The following PPIL1 variants were observed in gnomAD, a reference collection of about 807,000 sequenced individuals.
PPIL1 encodes peptidylprolyl isomerase like 1.
In PPIL1, 14 loss-of-function variants were observed where a neutral mutation model predicts 19.4. That is an observed-to-expected ratio of 0.72 (90% CI 0.48 to 1.13). The LOEUF is 1.13. PPIL1 is among the 50% of genes most tolerant of loss of function. The probability of loss-of-function intolerance (pLI) is 0.00; values close to 1 mark genes in which losing one functional copy is unlikely to be tolerated. For synonymous variants in PPIL1, 72 were observed against 73.6 expected (o/e 0.98, Z 0.11); for missense variants, 192 against 218.0 (o/e 0.88, Z 0.75).
chr6:36,874,654 A>C, intron 1 of PPIL1, 63 bp downstream of exon 1: 3 of 1,586,244 alleles, frequency 1.9e-6, no homozygotes, highest in Non-Finnish European at 2.6e-6. Flanking sequence ...AGGAACGCAG[A>C]CCCGTGGTGA....
At chr6:36,861,727 G>A (rs1428449869) in intron 2 of PPIL1, among the ~76,000 whole-genome samples, 4 of 139,014 alleles carry the variant, frequency 2.9e-5, no homozygotes, top group East Asian at 2.0e-4. Context: ...ACAGAGTTTC[G>A]CTCTTGTGGC....
chr6:36,870,783 C>T (rs1455343223), intron 2 of PPIL1, among the ~76,000 whole-genome samples: 1 of 152,132 alleles, frequency 6.6e-6, no homozygotes, highest in Non-Finnish European at 1.5e-5. Context: ...CACCAACCCG[C>T]CCGGCTAATT....
intron 3 of PPIL1, 52 bp downstream of exon 3, chr6:36,856,530 AGAGT>A: frequency 1.3e-6 from 2 of 1,508,146 alleles, no homozygotes; most frequent in Non-Finnish European, 1.8e-6. Flanking sequence ...CATGGCCAAA[AGAGT>A]GAGCTTTTAA....
intron 2 of PPIL1, among the ~76,000 whole-genome samples, chr6:36,868,256 A>T (rs1208048601): frequency 6.6e-6 from 1 of 152,232 alleles, no homozygotes; most frequent in Admixed American, 6.5e-5. Context: ...AAATTAGAGC[A>T]GTAAAGAACA....
Position 36,867,272 on chromosome 6 carries a change from C to T in PPIL1, c.211+4446G>A, listed in dbSNP as rs1029619944. 7.2e-5 allele frequency among the ~76,000 whole-genome samples: 11 copies of T among 152,074 alleles called. No individual in the cohort carries two copies. In the South Asian group the frequency reaches 1.5e-3, roughly 20 times the overall value. ...ATGTTTCAGTTATTGCTATCAGGCA[C>T]GTTTACCACATGCTCCCAACACCCA... On this transcript the variant is annotated intron_variant, in intron 2 of 3. Transcript: ENST00000373699.
rs1363494473 is a variant in PPIL1, at chr6:36,857,085, T to A, written c.212-431A>T. Among the ~76,000 whole-genome samples the A allele has an allele frequency of 2.0e-5, 3 of 152,294 alleles. No homozygotes were observed. In the East Asian group the frequency reaches 5.8e-4, roughly 29 times the overall value. ...GCCCCAAGTCCTATCCCTGTGCCCATCACAGACATTGCCAATCAATCAGTA... is the reference window on the plus strand; with the variant it reads ...GCCCCAAGTCCTATCCCTGTGCCCAACACAGACATTGCCAATCAATCAGTA... On this transcript the variant is annotated intron_variant, in intron 2 of 3. Transcript: ENST00000373699.
rs78606960 is a variant in PPIL1 at position 36,872,226 on chromosome 6, A to G, written c.57-354T>C. Among the ~76,000 whole-genome samples, 535 of 152,070 alleles carry G rather than the reference A, an allele frequency of 3.5e-3. 31 individuals are homozygous for G. The East Asian group carries it at 0.095, about 27-fold the overall frequency. On this transcript the variant is annotated intron_variant, in intron 1 of 3. Transcript: ENST00000373699. ...CCTAAATTAGGAAAAAAATTCTTAC[A>G]CTTAATTTTTAATTTTTTAAAAAAA...
chr6:36,861,460 C>T (rs1774286483), intron 2 of PPIL1, among the ~76,000 whole-genome samples: 1 of 152,164 alleles, frequency 6.6e-6, no homozygotes, highest in South Asian at 2.1e-4. Flanking sequence ...TCCCTGCTCG[C>T]TCAAGTCCCG....
intron 1 of PPIL1, among the ~76,000 whole-genome samples, chr6:36,872,578 C>T (rs751258939): frequency 2.0e-5 from 3 of 151,978 alleles, no homozygotes; most frequent in Non-Finnish European, 2.9e-5. Flanking sequence ...TCTACTCCAG[C>T]ACATACCTAG....
intron 3 of PPIL1, 44 bp from the exon 4 acceptor site, chr6:36,856,077 C>A (rs1468524733): frequency 5.7e-6 from 9 of 1,572,064 alleles, no homozygotes; most frequent in Non-Finnish European, 7.8e-6. Context: ...AATAACCCCA[C>A]AGGTCCAGTG....
At chr6:36,868,113 A>G (rs569812808) in intron 2 of PPIL1, among the ~76,000 whole-genome samples, 1 of 152,352 alleles carries the variant, frequency 6.6e-6, no homozygotes, top group African/African-American at 2.4e-5. Flanking sequence ...GCTATGGATG[A>G]TTCAAGAGAA....
intron 2 of PPIL1, among the ~76,000 whole-genome samples, chr6:36,865,483 C>A (rs1043233487): frequency 1.3e-5 from 2 of 152,146 alleles, no homozygotes; most frequent in Non-Finnish European, 2.9e-5. Flanking sequence ...TCACAAGAGC[C>A]AGTCTAGAGT....
chr6:36,867,440 C>T (rs1774416035), intron 2 of PPIL1, among the ~76,000 whole-genome samples: 1 of 152,234 alleles, frequency 6.6e-6, no homozygotes, highest in Admixed American at 6.5e-5. Flanking sequence ...CATCTGTATT[C>T]CCTGAAACCA....
chr6:36,874,608 C>G, intron 1 of PPIL1, 109 bp downstream of exon 1: 1 of 1,434,354 alleles, frequency 7.0e-7, no homozygotes, highest in Non-Finnish European at 9.7e-7. Context: ...CTCCACGCCC[C>G]TCCACGTGGA....
intron 2 of PPIL1, among the ~76,000 whole-genome samples, chr6:36,861,680 GTTT>G (rs55772980): frequency 7.3e-6 from 1 of 136,502 alleles, no homozygotes. Context: ...TATGATCTGT[GTTT>G]TTTTTTTTTT....
intron 2 of PPIL1, 125 bp downstream of exon 2, chr6:36,871,591 AAG>A (rs1774511299): frequency 8.4e-7 from 1 of 1,193,682 alleles, no homozygotes; most frequent in African/African-American, 1.6e-5. Flanking sequence ...GTAAGTGGAA[AAG>A]AGAGCTCTGG....
intron 2 of PPIL1, among the ~76,000 whole-genome samples, chr6:36,857,127 T>C (rs1774184150): frequency 6.6e-6 from 1 of 152,332 alleles, no homozygotes; most frequent in East Asian, 1.9e-4. Flanking sequence ...CCTGCTGAGC[T>C]AGATTTGCCT....
At chr6:36,867,820 A>G (rs1021965337) in intron 2 of PPIL1, among the ~76,000 whole-genome samples, 1 of 152,272 alleles carries the variant, frequency 6.6e-6, no homozygotes, top group African/African-American at 2.4e-5. Flanking sequence ...AGGCTAGAAT[A>G]GAATAGAGAG....
In PPIL1 at chr6:36,873,037, A is replaced by G. The variant is rs145273670; in HGVS notation, c.57-1165T>C. On this transcript the variant is annotated intron_variant, in intron 1 of 3. Transcript: ENST00000373699. ...AGCCTTTCTGCCTGAAATTCATCCA[A>G]TTCATCTTTCACACTGCTCCCATTC... Among the ~76,000 whole-genome samples the G allele has an allele frequency of 5.7e-3, 873 of 152,308 alleles. 7 individuals carry two copies. The highest frequency in any genetic ancestry group is 0.02 in the African/African-American group (838 of 41,566).
Sources: allele counts gnomAD v4.1 joint callset (sites outside exome capture counted in the v4.1 genomes callset), GRCh38; gene constraint gnomAD v4.1.1; transcripts MANE v1.5; gene names NCBI Gene and HGNC (gene_info 2026-07-23, HGNC 2026-07-21).